The following EYS variants were observed in gnomAD, a reference collection of about 807,000 sequenced individuals.
The protein encoded by EYS is EGF-like photoreceptor maintenance factor.
Under a neutral mutation model 282.1 loss-of-function variants are expected in EYS, and 250 were observed. The ratio of observed to expected loss-of-function variants is 0.89; its 90% CI spans 0.80 to 0.98. The LOEUF is 0.98. Among genes scored for constraint, EYS ranks in the 50% least tolerant of loss-of-function variants. EYS has a pLI of 0.00. For missense variants in EYS, 4,016 were observed against 3,709.0 expected (o/e 1.08, Z -2.15); for synonymous variants, 1,355 against 1,282.9 (o/e 1.06, Z -1.20).
At chr6:64,176,195 A>G (rs1764629370) in intron 31 of EYS, among the ~76,000 whole-genome samples, 1 of 152,070 alleles carries the variant, frequency 6.6e-6, no homozygotes, top group Non-Finnish European at 1.5e-5. Flanking sequence ...AAGACCAGGT[A>G]AGTCAGGGGC....
intron 12 of EYS, among the ~76,000 whole-genome samples, chr6:65,105,382 A>T (rs1051158277): frequency 6.6e-6 from 1 of 151,838 alleles, no homozygotes; most frequent in African/African-American, 2.4e-5. Flanking sequence ...ATCTATAATC[A>T]TAATGTAGTG....
intron 36 of EYS, among the ~76,000 whole-genome samples, chr6:63,863,081 C>T (rs1772575259): frequency 6.6e-6 from 1 of 152,200 alleles, no homozygotes; most frequent in East Asian, 1.9e-4. Flanking sequence ...TTTTGTGATT[C>T]TGGGGCAGAG....
At chr6:64,275,164 A>G (rs1476796339) in intron 30 of EYS, among the ~76,000 whole-genome samples, 1 of 152,192 alleles carries the variant, frequency 6.6e-6, no homozygotes, top group East Asian at 1.9e-4. Context: ...ATATCTGTAA[A>G]CAGGAAGCGT....
chr6:65,622,184 G>C (rs1361122289), intron 2 of EYS, among the ~76,000 whole-genome samples: 1 of 152,094 alleles, frequency 6.6e-6, no homozygotes, highest in Non-Finnish European at 1.5e-5. Context: ...TCCCCAGTTG[G>C]TTAATCCATT....
At chr6:65,430,263 T>A (rs1004447321) in intron 5 of EYS, among the ~76,000 whole-genome samples, 12 of 152,086 alleles carry the variant, frequency 7.9e-5, no homozygotes, top group African/African-American at 2.9e-4. Context: ...AGCACTGAAC[T>A]CAGTGCTGTT....
chr6:65,516,736 G>A (rs1453458344), intron 2 of EYS, among the ~76,000 whole-genome samples: 1 of 151,952 alleles, frequency 6.6e-6, no homozygotes, highest in Non-Finnish European at 1.5e-5. Flanking sequence ...AAAGGCACAA[G>A]GATGCCTGGT....
At chr6:64,158,727 T>C (rs796206989) in intron 31 of EYS, among the ~76,000 whole-genome samples, 6 of 152,368 alleles carry the variant, frequency 3.9e-5, no homozygotes, top group African/African-American at 1.4e-4. Context: ...TTGGCTCATT[T>C]GTTTAAGTTA....
At chr6:64,829,151 T>C (rs1245370539) in intron 19 of EYS, among the ~76,000 whole-genome samples, 3 of 151,916 alleles carry the variant, frequency 2.0e-5, no homozygotes, top group African/African-American at 7.2e-5. Flanking sequence ...ATTGGACTGA[T>C]AGGAGTGGGC....
chr6:64,215,533 T>C (rs904432670), intron 31 of EYS, among the ~76,000 whole-genome samples: 15 of 152,184 alleles, frequency 9.9e-5, no homozygotes, highest in African/African-American at 3.6e-4. Flanking sequence ...TCAGAGATAG[T>C]GCCTCTAATT....
chr6:63,982,801 T>C (rs996319578), intron 35 of EYS, among the ~76,000 whole-genome samples: 4 of 151,642 alleles, frequency 2.6e-5, no homozygotes. Context: ...TCACCACATA[T>C]AGGGAGGGAG....
intron 22 of EYS, among the ~76,000 whole-genome samples, chr6:64,723,533 C>A (rs181746393): frequency 6.6e-6 from 1 of 152,280 alleles, no homozygotes; most frequent in Non-Finnish European, 1.5e-5. Flanking sequence ...AAATCTTACG[C>A]CCACTCTCTT....
At chr6:64,685,428 G>A (rs1770058349) in intron 22 of EYS, among the ~76,000 whole-genome samples, 1 of 152,174 alleles carries the variant, frequency 6.6e-6, no homozygotes, top group Non-Finnish European at 1.5e-5. Flanking sequence ...GATCTGATGG[G>A]AGGTGTTTGG....
chr6:63,858,526 G>A (rs1562063462), intron 36 of EYS, among the ~76,000 whole-genome samples: 1 of 152,168 alleles, frequency 6.6e-6, no homozygotes, highest in Non-Finnish European at 1.5e-5. Flanking sequence ...AAGAGGAAAG[G>A]CAACTTCCCT....
At chr6:64,725,896 C>T (rs188200399) in intron 22 of EYS, among the ~76,000 whole-genome samples, 1 of 152,260 alleles carries the variant, frequency 6.6e-6, no homozygotes, top group East Asian at 1.9e-4. Flanking sequence ...CATGTAGCTA[C>T]ATTGCTGATA....
intron 35 of EYS, among the ~76,000 whole-genome samples, chr6:63,875,807 C>T (rs182815700): frequency 2.2e-4 from 34 of 152,212 alleles, no homozygotes; most frequent in African/African-American, 6.7e-4. Context: ...TCCATGGGAT[C>T]GGTGGTGATA....
intron 23 of EYS, 145 bp downstream of exon 23, chr6:64,625,976 A>G: frequency 3.8e-6 from 2 of 531,276 alleles, no homozygotes; most frequent in Non-Finnish European, 6.6e-6. Flanking sequence ...AAGAATGATC[A>G]TTGCTTAAAA....
chr6:64,657,344 GC>G (rs1220361902), intron 22 of EYS, among the ~76,000 whole-genome samples: 4 of 152,148 alleles, frequency 2.6e-5, no homozygotes, highest in African/African-American at 7.2e-5. Context: ...GGAGCATTTA[GC>G]CCATTTACAT....
At chr6:64,290,705 G>A (rs1376869923) in intron 30 of EYS, among the ~76,000 whole-genome samples, 1 of 151,620 alleles carries the variant, frequency 6.6e-6, no homozygotes, top group Non-Finnish European at 1.5e-5. Flanking sequence ...AAGAATAGAT[G>A]ACAAAGTCCA....
At chr6:64,790,393 C>G in intron 22 of EYS, among the ~76,000 whole-genome samples, 1 of 151,492 alleles carries the variant, frequency 6.6e-6, no homozygotes, top group Non-Finnish European at 1.5e-5. Context: ...TAAATGATGA[C>G]CAAATCAAAG....
Sources: allele counts gnomAD v4.1 joint callset (sites outside exome capture counted in the v4.1 genomes callset), GRCh38; gene constraint gnomAD v4.1.1; transcripts MANE v1.5; gene names NCBI Gene and HGNC (gene_info 2026-07-23, HGNC 2026-07-21).